Variants in PARD3B observed in about 807,000 individuals in gnomAD.
PARD3B encodes par-3 family cell polarity regulator beta, also known as partitioning defective 3 homolog B.
A neutral mutation model predicts 130.2 loss-of-function variants in PARD3B; 103 were observed. The ratio of observed to expected loss-of-function variants is 0.79; its 90% CI spans 0.67 to 0.93. PARD3B has a LOEUF of 0.93. Ranked by LOEUF, PARD3B falls within the 40% of genes least tolerant of loss-of-function variation. The pLI, the probability that PARD3B is intolerant of heterozygous loss-of-function variation, is 0.00. For synonymous variants in PARD3B, 583 were observed against 553.2 expected (o/e 1.05, Z -0.76); for missense variants, 1,609 against 1,499.2 (o/e 1.07, Z -1.21).
At chr2:205,500,105 G>T in intron 21 of PARD3B, 74 bp downstream of exon 21, 2 of 1,535,568 alleles carry the variant, frequency 1.3e-6, no homozygotes, top group Non-Finnish European at 8.9e-7. Context: ...ACACGGTCAA[G>T]AATGTTCTGT....
intron 2 of PARD3B, among the ~76,000 whole-genome samples, chr2:204,751,721 C>T (rs965843063): frequency 6.6e-6 from 1 of 152,000 alleles, no homozygotes; most frequent in Admixed American, 6.6e-5. Context: ...AGCACTTGGC[C>T]AAAATTGCTG....
chr2:205,215,005 A>T (rs776462105), intron 15 of PARD3B, among the ~76,000 whole-genome samples: 1 of 152,070 alleles, frequency 6.6e-6, no homozygotes. Context: ...AACTGATGAT[A>T]TGCTTCGTCA....
intron 20 of PARD3B, among the ~76,000 whole-genome samples, chr2:205,492,049 C>A (rs939611102): frequency 5.3e-5 from 8 of 152,168 alleles, no homozygotes; most frequent in Admixed American, 3.9e-4. Flanking sequence ...AGGATCCTGA[C>A]ATAAGGATGA....
chr2:204,863,921 A>C (rs1376675815), intron 2 of PARD3B, among the ~76,000 whole-genome samples: 2 of 152,204 alleles, frequency 1.3e-5, no homozygotes, highest in Admixed American at 1.3e-4. Context: ...GAATTTGAAC[A>C]AGGGCTTTAT....
chr2:204,813,857 T>C (rs998613982), intron 2 of PARD3B, among the ~76,000 whole-genome samples: 6 of 152,140 alleles, frequency 3.9e-5, no homozygotes, highest in Non-Finnish European at 7.4e-5. Context: ...ATGACTATCT[T>C]GATTACTATC....
intron 1 of PARD3B, among the ~76,000 whole-genome samples, chr2:204,671,231 A>G (rs185929756): frequency 6.6e-6 from 1 of 152,196 alleles, no homozygotes; most frequent in East Asian, 1.9e-4. Context: ...TGTGACCCCC[A>G]GTCTTTAGTC....
chr2:205,018,123 G>T (rs1575565211), intron 3 of PARD3B, among the ~76,000 whole-genome samples: 3 of 152,070 alleles, frequency 2.0e-5, no homozygotes, highest in African/African-American at 7.2e-5. Flanking sequence ...TGAGACACAG[G>T]TGTGATATAG....
chr2:205,036,347 A>G (rs1017168159), intron 3 of PARD3B, among the ~76,000 whole-genome samples: 2 of 142,416 alleles, frequency 1.4e-5, no homozygotes, highest in Admixed American at 7.1e-5. Flanking sequence ...AAATATATGT[A>G]TATAGTGGGC....
intron 3 of PARD3B, among the ~76,000 whole-genome samples, chr2:204,970,688 ATATT>A (rs1178930513): frequency 1.3e-5 from 2 of 152,152 alleles, no homozygotes; most frequent in African/African-American, 2.4e-5. Context: ...TCATGGGAAA[ATATT>A]TATTTAGTTA....
At chr2:204,965,439 A>G (rs1224652379) in intron 3 of PARD3B, 116 bp downstream of exon 3, 12 of 1,128,854 alleles carry the variant, frequency 1.1e-5, no homozygotes, top group Non-Finnish European at 1.5e-5. Context: ...ATCGTGGTTT[A>G]TCTTTTCTTT....
rs974314982 is a variant in PARD3B, at chr2:205,300,879, G to C, written c.2392+143G>C. 1 of 977,710 alleles carries C rather than the reference G, an allele frequency of 1.0e-6. No individual in the cohort carries two copies. The highest frequency in any genetic ancestry group is 1.6e-5 in the African/African-American group (1 of 60,762). The allele number at this position is 977,710 out of a possible 1,614,324, so 60.6% of individuals were successfully genotyped here. ...GATATTAAAAGTAATTCATTTTCCTGATATGTTTTGCCCTTTGGCTTAATG... is the reference window on the plus strand; with the variant it reads ...GATATTAAAAGTAATTCATTTTCCTCATATGTTTTGCCCTTTGGCTTAATG... On this transcript the variant is annotated intron_variant, in intron 17 of 22. Transcript: ENST00000406610. The surrounding 1 kb of genome is among the most constrained non-coding windows in gnomAD (Gnocchi z 4.1).
intron 2 of PARD3B, among the ~76,000 whole-genome samples, chr2:204,856,522 G>T (rs556037316): frequency 6.6e-6 from 1 of 152,160 alleles, no homozygotes; most frequent in Admixed American, 6.5e-5. Flanking sequence ...CCTTTGTTGT[G>T]CAGAGGAAAC....
intron 18 of PARD3B, among the ~76,000 whole-genome samples, chr2:205,372,310 A>C (rs1241429752): frequency 6.6e-6 from 1 of 152,158 alleles, no homozygotes; most frequent in African/African-American, 2.4e-5. Flanking sequence ...CTACATCCTC[A>C]CAAACATGTG....
chr2:204,723,304 A>C (rs555470093), intron 2 of PARD3B, among the ~76,000 whole-genome samples: 1 of 152,172 alleles, frequency 6.6e-6, no homozygotes, highest in Non-Finnish European at 1.5e-5. Flanking sequence ...AGAATTCATA[A>C]ACGATTCAAA....
At chr2:205,313,616 CTTAT>C (rs981360984) in intron 18 of PARD3B, among the ~76,000 whole-genome samples, 3 of 152,146 alleles carry the variant, frequency 2.0e-5, no homozygotes, top group African/African-American at 7.2e-5. Context: ...AACCAAAAGG[CTTAT>C]TTATTTGATT....
rs1005695316 is a variant in PARD3B at position 205,516,875 on chromosome 2, C to A, written c.3180+16844C>A. Among the ~76,000 whole-genome samples, 3 of 152,174 alleles carry A rather than the reference C, an allele frequency of 2.0e-5. No homozygotes were observed. The East Asian group carries it at 5.8e-4, about 29-fold the overall frequency. On this transcript the variant is annotated intron_variant, in intron 21 of 22. Transcript: ENST00000406610. ...AAGAGAAATGCTTCCAGTTTTTGCC[C>A]ATTTAGTATAATATTGGTTGTATGT...
At chr2:205,534,546 G>A (rs993968928) in intron 21 of PARD3B, among the ~76,000 whole-genome samples, 1 of 152,096 alleles carries the variant, frequency 6.6e-6, no homozygotes, top group African/African-American at 2.4e-5. Flanking sequence ...TCAGCTCACT[G>A]CAACCTCCAC....
intron 19 of PARD3B, among the ~76,000 whole-genome samples, chr2:205,414,966 A>C (rs1277688124): frequency 6.6e-6 from 1 of 152,160 alleles, no homozygotes; most frequent in Non-Finnish European, 1.5e-5. Flanking sequence ...CAGAGTCAAG[A>C]TAATGTATGG....
chr2:205,386,442 A>G (rs2045663322), intron 18 of PARD3B, among the ~76,000 whole-genome samples: 1 of 152,148 alleles, frequency 6.6e-6, no homozygotes, highest in Admixed American at 6.5e-5. Flanking sequence ...ATCAAATCAG[A>G]TGGCTTATAA....
Sources: gnomAD v4.1 joint callset for allele counts (sites outside exome capture counted in the v4.1 genomes callset) on GRCh38, gnomAD v4.1.1 for gene constraint, Gnocchi (gnomAD v3.1) non-coding constraint, MANE v1.5 for transcripts, NCBI Gene and HGNC (gene_info 2026-07-23, HGNC 2026-07-21) for gene names.